CARNMT1: variants seen among roughly 807,000 people sequenced by gnomAD.
The protein encoded by CARNMT1 is carnosine N-methyltransferase 1, also known as protein-L-histidine N-pros-methyltransferase CARNMT1.
In CARNMT1, 28 loss-of-function variants were observed where a neutral mutation model predicts 49.6. The ratio of observed to expected loss-of-function variants is 0.56; its 90% CI spans 0.42 to 0.77. The LOEUF is 0.77. Among genes scored for constraint, CARNMT1 ranks in the 30% least tolerant of loss-of-function variants. The pLI is 0.00. For synonymous variants in CARNMT1, 178 were observed against 175.0 expected, an observed-to-expected ratio of 1.02 and a Z score of -0.13; for missense variants, 421 against 512.6, an observed-to-expected ratio of 0.82 and a Z score of 1.73.
intron 4 of CARNMT1, among the ~76,000 whole-genome samples, chr9:74,999,250 T>C (rs1833287542): frequency 6.6e-6 from 1 of 152,128 alleles, no homozygotes; most frequent in African/African-American, 2.4e-5. Flanking sequence ...TAACAATTGT[T>C]TTCCACTGCC....
intron 6 of CARNMT1, among the ~76,000 whole-genome samples, chr9:74,989,414 TTTTTTA>T (rs1319124117): frequency 6.6e-6 from 1 of 151,016 alleles, no homozygotes; most frequent in Non-Finnish European, 1.5e-5. Flanking sequence ...GTCATCCAGT[TTTTTTA>T]TTATTAAAAT....
At chr9:74,989,957 C>T (rs999600571) in intron 6 of CARNMT1, among the ~76,000 whole-genome samples, 13 of 151,958 alleles carry the variant, frequency 8.6e-5, no homozygotes, top group African/African-American at 3.1e-4. Context: ...TGCAGCATGG[C>T]GAGAAAGATA....
intron 6 of CARNMT1, among the ~76,000 whole-genome samples, chr9:74,993,135 T>G (rs1833079753): frequency 6.6e-6 from 1 of 152,188 alleles, no homozygotes; most frequent in Non-Finnish European, 1.5e-5. Context: ...CATTAGATCT[T>G]TGCCCTTATG....
chr9:74,995,800 A>C (rs1833170686), intron 6 of CARNMT1, among the ~76,000 whole-genome samples: 1 of 152,184 alleles, frequency 6.6e-6, no homozygotes, highest in Admixed American at 6.6e-5. Context: ...GAAAGAATAC[A>C]TGTATATCTA....
At chr9:74,995,389 C>T (rs1587660895) in intron 6 of CARNMT1, among the ~76,000 whole-genome samples, 1 of 152,158 alleles carries the variant, frequency 6.6e-6, no homozygotes, top group African/African-American at 2.4e-5. Flanking sequence ...GTACCTAACC[C>T]ACAGTAAGCA....
In CARNMT1 at chr9:75,016,403, G is replaced by T. The variant is rs1402018292; in HGVS notation, c.455C>A (p.Thr152Lys). The change falls in exon 3 of 8, where the codon ACA becomes AAA. Residue 152 changes from threonine to lysine, a missense_variant. Thr to Lys is a moderately conservative substitution (Grantham distance 78). Around this residue, in one of 2 missense-constraint regions of CARNMT1, gnomAD observed 235 missense variants for 344.8 expected, o/e 0.68. Transcript: ENST00000376834. ...DGNGKIMPAS[T>K]FDMDKLKSTL... ...GGATTTTAACTTATCCATGTCAAAT[G>T]TAGATGCTGGCATAATCTTTCCATT... 1.9e-6 allele frequency: 3 copies of T among 1,613,930 alleles called. No individual in the cohort carries two copies. Among genetic ancestry groups the T allele is most frequent in the Admixed American group, 1.7e-5 (1 of 59,992 alleles).
chr9:74,993,400 A>T (rs1217196561), intron 6 of CARNMT1, among the ~76,000 whole-genome samples: 2 of 152,178 alleles, frequency 1.3e-5, no homozygotes, highest in African/African-American at 4.8e-5. Flanking sequence ...GAAGGTAAAA[A>T]ACATAATCCT....
rs970128732 is a variant in CARNMT1 at position 75,001,909 on chromosome 9, A to AT, written c.591-2040dup. ...GTGAGACAACCTTAAACCAGGCTGAATTTTTTTTTTAAAGCCAGAATAGAA... is the reference window on the plus strand; with the variant it reads ...GTGAGACAACCTTAAACCAGGCTGAATTTTTTTTTTTAAAGCCAGAATAGAA... On this transcript the variant is annotated intron_variant, in intron 3 of 7. Coordinates refer to ENST00000376834, the MANE Select transcript of CARNMT1 (RefSeq NM_152420.3). 3.3e-4 allele frequency among the ~76,000 whole-genome samples: 49 copies of AT among 150,576 alleles called. No homozygotes were observed. The South Asian group carries it at 5.9e-3, about 18-fold the overall frequency.
At chr9:75,018,838 C>T (rs906666579) in intron 1 of CARNMT1, among the ~76,000 whole-genome samples, 7 of 151,900 alleles carry the variant, frequency 4.6e-5, no homozygotes, top group African/African-American at 1.2e-4. Context: ...ATGGTGGCGC[C>T]CACCAGTAAT....
chr9:75,017,368 T>C lies in CARNMT1; in HGVS notation c.311A>G (p.Gln104Arg), dbSNP rs1474348200. ...GATCTTGTCCAAGTGAAGAAGAAAC[T>C]GAGGAAGTAGTTTCTGTTGGTTAGC... ...LPANQQKLLP[Q>R]FLLHLDKIRK... The change falls in exon 2 of 8, where the codon CAG (glutamine) becomes CGG (arginine). Residue 104 changes from glutamine to arginine, a missense_variant. Physicochemically the swap from Gln to Arg is conservative, Grantham distance 43. Coordinates refer to ENST00000376834, the MANE Select transcript of CARNMT1 (RefSeq NM_152420.3). 7 of 1,614,132 alleles carry C rather than the reference T, an allele frequency of 4.3e-6. No homozygotes were observed. In the South Asian group the frequency reaches 5.5e-5, roughly 13 times the overall value.
chr9:75,028,176 G>A lies in CARNMT1; in HGVS notation c.66C>T (p.Gly22=). The A allele has an allele frequency of 4.6e-6, 7 of 1,520,412 alleles. No individual in the cohort carries two copies. The highest frequency in any genetic ancestry group is 6.2e-6 in the Non-Finnish European group (7 of 1,135,056). The allele number at this position is 1,520,412 out of a possible 1,614,324, so 94.2% of individuals were successfully genotyped here. ...GCACTTCCACCTCCTCGCTGCCACC[G>A]CCTCCTCCCCCGCAGCCCTCGGGCA... ...SRLPEGCGGG[G]GGSEEVEVQF... The change falls in exon 1 of 8, where the codon GGC becomes GGT. Residue 22 remains glycine, a synonymous_variant. Coordinates refer to ENST00000376834, the MANE Select transcript of CARNMT1 (RefSeq NM_152420.3).
intron 1 of CARNMT1, among the ~76,000 whole-genome samples, chr9:75,021,368 TAC>T (rs1447497724): frequency 6.8e-6 from 1 of 146,512 alleles, no homozygotes; most frequent in South Asian, 2.1e-4. Flanking sequence ...ATATATTATA[TAC>T]ATAGTATATA....
chr9:75,027,136 A>G lies in CARNMT1; in HGVS notation c.230+876T>C, dbSNP rs1042698963. 4.6e-6 allele frequency: 6 copies of G among 1,303,182 alleles called. No homozygotes were observed. The Admixed American group carries it at 1.2e-4, about 25-fold the overall frequency. The allele number at this position is 1,303,182 out of a possible 1,614,324, so 80.7% of individuals were successfully genotyped here. A position where few individuals can be genotyped will look rare whatever the true frequency, so the allele number is the denominator to read the frequency against. On this transcript the variant is annotated intron_variant, in intron 1 of 7. Transcript: ENST00000376834. ...TGGACTCATATCTCTTACGTGAATA[A>G]AAGTGTTATCTTCACCTGAAAATCC...
chr9:75,008,192 A>C (rs1385135413), intron 3 of CARNMT1, among the ~76,000 whole-genome samples: 3 of 151,276 alleles, frequency 2.0e-5, no homozygotes, highest in Non-Finnish European at 4.4e-5. Flanking sequence ...AAAAAAAAAA[A>C]AAAACCCTCA....
intron 6 of CARNMT1, among the ~76,000 whole-genome samples, chr9:74,995,509 T>C (rs530952658): frequency 1.3e-5 from 2 of 152,302 alleles, no homozygotes; most frequent in East Asian, 3.9e-4. Flanking sequence ...ATGATTGCAT[T>C]GTACAGCTGC....
chr9:75,016,094 A>G, intron 3 of CARNMT1, 174 bp downstream of exon 3: 1 of 453,886 alleles, frequency 2.2e-6, no homozygotes, highest in Non-Finnish European at 3.8e-6. Context: ...ATTATTCAAA[A>G]TAACAACTGT....
At position 74,983,675 on chromosome 9, in the gene CARNMT1, G is replaced by T; in HGVS notation, c.*92C>A. ...AAGAAGGCACCACTGATTTGAGGTT[G>T]TGTCCTGTCATCACTGATAGTTGAT... On this transcript the variant is annotated 3_prime_UTR_variant, in exon 8 of 8. Coordinates refer to ENST00000376834, the MANE Select transcript of CARNMT1 (RefSeq NM_152420.3). 1.5e-6 allele frequency: 1 copy of T among 678,110 alleles called. No homozygotes were observed. 42.0% of individuals were successfully genotyped at this position (678,110 alleles called of 1,614,324 possible). A position where few individuals can be genotyped will look rare whatever the true frequency, so the allele number is the denominator to read the frequency against.
chr9:75,017,046 T>C (rs1437994445), intron 2 of CARNMT1: 18 of 513,056 alleles, frequency 3.5e-5, no homozygotes, highest in South Asian at 2.9e-4. Context: ...TCAACAGTTA[T>C]ATTAGTACTT....
chr9:74,998,855 T>A (rs1321533496), intron 4 of CARNMT1, 79 bp from the exon 5 acceptor site: 3 of 791,650 alleles, frequency 3.8e-6, no homozygotes, highest in African/African-American at 1.8e-5. Context: ...AAAAATATAC[T>A]GTTTAATTGA....
Sources: gnomAD v4.1 joint callset for allele counts (sites outside exome capture counted in the v4.1 genomes callset) on GRCh38, gnomAD v4.1.1 for gene constraint, gnomAD v4.1.1 regional missense constraint, MANE v1.5 for transcripts, NCBI Gene and HGNC (gene_info 2026-07-23, HGNC 2026-07-21) for gene names.